Variants in PARP11 observed in about 807,000 individuals in gnomAD.
The protein encoded by PARP11 is poly(ADP-ribose) polymerase family member 11.
In PARP11, 31 loss-of-function variants were observed where a neutral mutation model predicts 42.9. The observed-to-expected ratio is 0.72, with a 90% CI of 0.54 to 0.98. PARP11 has a LOEUF of 0.98. PARP11 is among the 50% of genes least tolerant of loss of function. PARP11 has a pLI of 0.00. For synonymous variants in PARP11, 137 were observed against 127.3 expected, an observed-to-expected ratio of 1.08 and a Z score of -0.51; for missense variants, 365 against 413.1, an observed-to-expected ratio of 0.88 and a Z score of 1.01.
intron 1 of PARP11, among the ~76,000 whole-genome samples, chr12:3,864,489 A>G (rs988356568): frequency 2.6e-5 from 4 of 152,152 alleles, no homozygotes; most frequent in African/African-American, 9.7e-5. Context: ...AATTAGTATT[A>G]TTTCTTCCTT....
chr12:3,842,966 A>C (rs574497114), intron 1 of PARP11, among the ~76,000 whole-genome samples: 1 of 152,210 alleles, frequency 6.6e-6, no homozygotes, highest in Non-Finnish European at 1.5e-5. Context: ...AGAAATGTCT[A>C]TTTTATTATG....
intron 1 of PARP11, among the ~76,000 whole-genome samples, chr12:3,838,791 G>A (rs1401253116): frequency 6.6e-6 from 1 of 152,216 alleles, no homozygotes; most frequent in Non-Finnish European, 1.5e-5. Context: ...CCAGCGTGGT[G>A]GGGAAACGAA....
At chr12:3,860,233 T>C (rs1948273193) in intron 1 of PARP11, among the ~76,000 whole-genome samples, 1 of 152,058 alleles carries the variant, frequency 6.6e-6, no homozygotes, top group East Asian at 1.9e-4. Flanking sequence ...GAAAAAATAG[T>C]AGATGGGAAG....
intron 1 of PARP11, chr12:3,841,627 C>G (rs1222104303): frequency 6.2e-7 from 1 of 1,613,586 alleles, no homozygotes; most frequent in Non-Finnish European, 8.5e-7. Flanking sequence ...ATCTGAGACC[C>G]CTGGGCAGCT....
intron 1 of PARP11, among the ~76,000 whole-genome samples, chr12:3,851,730 C>T (rs777846017): frequency 1.2e-4 from 18 of 152,216 alleles, no homozygotes; most frequent in Admixed American, 6.5e-4. Flanking sequence ...CTTAAATGTC[C>T]GTGTCTGACA....
chr12:3,832,686 G>A (rs555149593), intron 1 of PARP11, among the ~76,000 whole-genome samples: 20 of 152,136 alleles, frequency 1.3e-4, no homozygotes, highest in Admixed American at 7.8e-4. Flanking sequence ...TTAAAATATC[G>A]CAACCATAGT....
chr12:3,846,283 AAAG>A (rs1947993179), intron 1 of PARP11, among the ~76,000 whole-genome samples: 2 of 152,082 alleles, frequency 1.3e-5, no homozygotes, highest in African/African-American at 2.4e-5. Flanking sequence ...TTAAAAAAAA[AAAG>A]AAAAACAGAG....
chr12:3,829,387 A>G (rs1013932464), intron 2 of PARP11, among the ~76,000 whole-genome samples: 2 of 152,212 alleles, frequency 1.3e-5, no homozygotes, highest in African/African-American at 4.8e-5. Flanking sequence ...AAAAAAGACT[A>G]CAGGTTTTGA....
chr12:3,836,551 G>A (rs183287302), intron 1 of PARP11, among the ~76,000 whole-genome samples: 253 of 152,280 alleles, frequency 1.7e-3, no homozygotes, highest in African/African-American at 5.8e-3. Context: ...AAGAGCGCTG[G>A]TAAAAGGTAT....
intron 2 of PARP11, 146 bp from the exon 3 acceptor site, chr12:3,829,176 G>T: frequency 1.3e-6 from 1 of 760,996 alleles, no homozygotes; most frequent in Non-Finnish European, 2.1e-6. Flanking sequence ...CACACAGGGA[G>T]AATCACAACT....
chr12:3,830,922 A>G (rs912305478), intron 1 of PARP11, among the ~76,000 whole-genome samples: 4 of 152,222 alleles, frequency 2.6e-5, no homozygotes, highest in Non-Finnish European at 5.9e-5. Flanking sequence ...TATACCAATT[A>G]ACTCACATAT....
intron 1 of PARP11, among the ~76,000 whole-genome samples, chr12:3,857,242 G>A (rs577136596): frequency 3.1e-4 from 47 of 152,022 alleles, no homozygotes; most frequent in Middle Eastern, 3.4e-3. Flanking sequence ...AAACCTGTAC[G>A]TTGTGCACAT....
At chr12:3,826,113 G>GAAA in intron 4 of PARP11, 45 bp downstream of exon 4, 4 of 1,057,530 alleles carry the variant, frequency 3.8e-6, no homozygotes, top group African/African-American at 1.7e-5. Flanking sequence ...CCAATAGTAA[G>GAAA]AAAAAAAAAA....
At chr12:3,823,916 A>C (rs979313231) in intron 4 of PARP11, among the ~76,000 whole-genome samples, 1 of 108,460 alleles carries the variant, frequency 9.2e-6, no homozygotes, top group East Asian at 2.5e-4. Flanking sequence ...ACTCTGTCTC[A>C]AAAAAAAAAA....
At chr12:3,872,517 T>C in intron 1 of PARP11, 1 of 983,258 alleles carries the variant, frequency 1.0e-6, no homozygotes. Context: ...AATACCAGAG[T>C]CAGCCAAGGA....
chr12:3,855,881 A>G (rs577478693), intron 1 of PARP11, among the ~76,000 whole-genome samples: 1 of 152,350 alleles, frequency 6.6e-6, no homozygotes, highest in South Asian at 2.1e-4. Flanking sequence ...AAACTATACT[A>G]AAAGGCTACA....
At chr12:3,850,339 AG>A in intron 1 of PARP11, among the ~76,000 whole-genome samples, 1 of 152,320 alleles carries the variant, frequency 6.6e-6, no homozygotes, top group Admixed American at 6.5e-5. Flanking sequence ...ATCTGAAATC[AG>A]AATTCCTCCA....
chr12:3,842,097 G>C, intron 1 of PARP11: 2 of 1,609,424 alleles, frequency 1.2e-6, no homozygotes, highest in Non-Finnish European at 1.7e-6. Context: ...GAGAGAAATT[G>C]TGCCTGTTGA....
chr12:3,828,289 C>T (rs1169708344), intron 3 of PARP11, among the ~76,000 whole-genome samples: 1 of 152,180 alleles, frequency 6.6e-6, no homozygotes, highest in Non-Finnish European at 1.5e-5. Context: ...TGGCTCACGC[C>T]TGTAATCCCA....
Sources: allele counts gnomAD v4.1 joint callset (sites outside exome capture counted in the v4.1 genomes callset), GRCh38; gene constraint gnomAD v4.1.1; transcripts MANE v1.5; gene names NCBI Gene and HGNC (gene_info 2026-07-23, HGNC 2026-07-21).